The following GLRA1 variants were observed in gnomAD, a reference collection of about 807,000 sequenced individuals.
The protein encoded by GLRA1 is glycine receptor subunit alpha-1.
GLRA1 carries 37 observed loss-of-function variants against 48.3 expected under a neutral mutation model. The observed-to-expected ratio is 0.77, with a 90% CI of 0.59 to 1.01. The LOEUF (loss-of-function observed/expected upper bound fraction) is 1.01, where lower values mean the gene tolerates loss of function less well. Among genes scored for constraint, GLRA1 ranks in the 50% least tolerant of loss-of-function variants. GLRA1 has a pLI of 0.00. For missense variants in GLRA1, 427 were observed against 571.0 expected (o/e 0.75, Z 2.57); for synonymous variants, 196 against 210.7 (o/e 0.93, Z 0.60).
At chr5:151,873,510 A>T (rs943663275) in intron 3 of GLRA1, among the ~76,000 whole-genome samples, 4 of 151,768 alleles carry the variant, frequency 2.6e-5, no homozygotes, top group Non-Finnish European at 4.4e-5. Flanking sequence ...AAATACAAAA[A>T]TTAGCCGGGT....
intron 1 of GLRA1, among the ~76,000 whole-genome samples, chr5:151,907,780 T>C (rs1264113336): frequency 6.6e-6 from 1 of 152,172 alleles, no homozygotes; most frequent in African/African-American, 2.4e-5. Flanking sequence ...CCCTGGGCAA[T>C]TAGGGAAGGG....
chr5:151,833,546 C>T (rs545302767), intron 7 of GLRA1, among the ~76,000 whole-genome samples: 31 of 152,248 alleles, frequency 2.0e-4, no homozygotes, highest in African/African-American at 7.2e-4. Context: ...TCGCCAAATC[C>T]TCCGCCTCCT....
chr5:151,894,912 G>A (rs1364923052), intron 1 of GLRA1, among the ~76,000 whole-genome samples: 1 of 152,198 alleles, frequency 6.6e-6, no homozygotes, highest in Non-Finnish European at 1.5e-5. Context: ...TTTAGACACT[G>A]TTGCTTAATA....
intron 7 of GLRA1, among the ~76,000 whole-genome samples, chr5:151,851,149 G>A (rs1255485863): frequency 6.6e-6 from 1 of 152,196 alleles, no homozygotes; most frequent in Admixed American, 6.5e-5. Context: ...TCTGGTGTTG[G>A]TAGACAGTGG....
intron 3 of GLRA1, among the ~76,000 whole-genome samples, chr5:151,869,695 A>G (rs1359172738): frequency 6.7e-6 from 1 of 149,744 alleles, no homozygotes; most frequent in Non-Finnish European, 1.5e-5. Flanking sequence ...AGCTGGGGCG[A>G]CAGAGCGAGA....
rs373279208 is a variant in GLRA1 at position 151,856,709 on chromosome 5, C to G, written c.477-326G>C. ...ATTTTTAAATTTTTTTTTGTAGAGA[C>G]CGGGGTCTCGCCATGTTGCCCAGGC... On this transcript the variant is annotated intron_variant, in intron 4 of 8. Transcript: ENST00000274576. 1.7e-4 allele frequency among the ~76,000 whole-genome samples: 26 copies of G among 151,922 alleles called. No individual in the cohort carries two copies. In the East Asian group the frequency reaches 4.8e-3, roughly 28 times the overall value.
chr5:151,867,573 A>G (rs1316063410), intron 3 of GLRA1, among the ~76,000 whole-genome samples: 1 of 152,202 alleles, frequency 6.6e-6, no homozygotes, highest in Non-Finnish European at 1.5e-5. Flanking sequence ...GCCCTACTAT[A>G]CAACAGGCAT....
intron 1 of GLRA1, among the ~76,000 whole-genome samples, chr5:151,900,927 A>G (rs1754351781): frequency 6.6e-6 from 1 of 152,230 alleles, no homozygotes; most frequent in South Asian, 2.1e-4. Context: ...AATATTTGTT[A>G]AATGGATGAT....
chr5:151,910,969 G>A (rs1219887949), intron 1 of GLRA1, among the ~76,000 whole-genome samples: 1 of 152,152 alleles, frequency 6.6e-6, no homozygotes, highest in Non-Finnish European at 1.5e-5. Flanking sequence ...ACAACTCCTG[G>A]TTATCGTAGG....
chr5:151,924,813 T>G lies in GLRA1; in HGVS notation c.-264A>C. On this transcript the variant is annotated 5_prime_UTR_variant, in exon 1 of 9. Coordinates refer to ENST00000274576, the MANE Select transcript of GLRA1 (RefSeq NM_000171.4). The stretch of plus-strand genomic sequence containing the variant: ...CAGGAGCGCGAAGAGTATTGCTGTT[T>G]GTTAAACTCCAGCGTGTCTGTTGGC... 1.8e-6 allele frequency: 1 copy of G among 563,350 alleles called. No homozygotes were observed. Among genetic ancestry groups the G allele is most frequent in the Non-Finnish European group, 3.2e-6 (1 of 315,444 alleles). 34.9% of individuals were successfully genotyped at this position (563,350 alleles called of 1,614,324 possible).
chr5:151,872,376 C>T (rs1581633966), intron 3 of GLRA1, among the ~76,000 whole-genome samples: 1 of 149,688 alleles, frequency 6.7e-6, no homozygotes, highest in South Asian at 2.1e-4. Flanking sequence ...TTGAAAATCC[C>T]ATTTGGTGAA....
chr5:151,922,011 T>C (rs893031496), intron 1 of GLRA1, among the ~76,000 whole-genome samples: 2 of 152,210 alleles, frequency 1.3e-5, no homozygotes, highest in Admixed American at 1.3e-4. Flanking sequence ...TTTTTGTTTT[T>C]GTTTGTTTGT....
chr5:151,851,733 A>G (rs1752919115), intron 6 of GLRA1, 129 bp from the exon 7 acceptor site: 2 of 703,750 alleles, frequency 2.8e-6, no homozygotes, highest in East Asian at 5.4e-5. Flanking sequence ...AAGTATTTGA[A>G]TTGTTCTGTA....
rs182567283 is a variant in GLRA1, at chr5:151,875,160, T to C, written c.252+11561A>G. Among the ~76,000 whole-genome samples, 286 of 152,022 alleles carry C rather than the reference T, an allele frequency of 1.9e-3. 1 individual carries two copies. Among genetic ancestry groups the C allele is most frequent in the Admixed American group, 6.4e-3 (98 of 15,298 alleles). On this transcript the variant is annotated intron_variant, in intron 3 of 8. Transcript: ENST00000274576. Reference sequence around the variant, plus strand: ...TCCCTAGCCAATGTGTTAATATTTATGTTTGGGTATAAAGGGCTTAAAAAA... The same window carrying C: ...TCCCTAGCCAATGTGTTAATATTTACGTTTGGGTATAAAGGGCTTAAAAAA...
At chr5:151,833,568 A>T (rs951616594) in intron 7 of GLRA1, among the ~76,000 whole-genome samples, 2 of 152,100 alleles carry the variant, frequency 1.3e-5, no homozygotes, top group African/African-American at 4.8e-5. Context: ...GGTTCAAGCG[A>T]TTCTCCTGCC....
intron 3 of GLRA1, among the ~76,000 whole-genome samples, chr5:151,869,440 G>A (rs1472605094): frequency 1.3e-5 from 2 of 151,494 alleles, no homozygotes; most frequent in African/African-American, 4.8e-5. Flanking sequence ...TTGGTTGGGT[G>A]TGGTGGCTCA....
At chr5:151,848,452 C>T (rs1392111871) in intron 7 of GLRA1, among the ~76,000 whole-genome samples, 6 of 152,116 alleles carry the variant, frequency 3.9e-5, no homozygotes, top group African/African-American at 7.2e-5. Flanking sequence ...CTGCAATCTC[C>T]GCCTCTCGGG....
At chr5:151,887,608 T>C (rs1409058215) in intron 2 of GLRA1, among the ~76,000 whole-genome samples, 2 of 152,172 alleles carry the variant, frequency 1.3e-5, no homozygotes, top group Non-Finnish European at 2.9e-5. Context: ...CCTACATAAC[T>C]AGTAAATGGG....
At chr5:151,869,698 G>C (rs1753427858) in intron 3 of GLRA1, among the ~76,000 whole-genome samples, 1 of 149,654 alleles carries the variant, frequency 6.7e-6, no homozygotes, top group South Asian at 2.1e-4. Flanking sequence ...TGGGGCGACA[G>C]AGCGAGACTC....
Sources: allele counts gnomAD v4.1 joint callset (sites outside exome capture counted in the v4.1 genomes callset), GRCh38; gene constraint gnomAD v4.1.1; transcripts MANE v1.5; gene names NCBI Gene and HGNC (gene_info 2026-07-23, HGNC 2026-07-21).